CCDC144A: variants seen among roughly 807,000 people sequenced by gnomAD.
CCDC144A encodes coiled-coil domain-containing protein 144A.
CCDC144A carries 41 observed loss-of-function variants against 143.8 expected under a neutral mutation model. The observed-to-expected ratio is 0.29, with a 90% CI of 0.22 to 0.37. The LOEUF is 0.37. Ranked by LOEUF, CCDC144A falls within the 10% of genes least tolerant of loss-of-function variation. CCDC144A has a pLI of 1.00. For synonymous variants in CCDC144A, 242 were observed against 517.9 expected (o/e 0.47, Z 7.23); for missense variants, 637 against 1,488.8 (o/e 0.43, Z 9.41).
rs762166124 is a variant in CCDC144A, at chr17:16,762,476, A to G, written c.3830A>G (p.Lys1277Arg). Residue 1277 changes from lysine to arginine, a missense_variant, in exon 14 of 17, where the codon AAG becomes AGG. Physicochemically the swap from Lys to Arg is conservative, Grantham distance 26. Coordinates refer to ENST00000399273, the MANE Select transcript of CCDC144A (RefSeq NM_001382000.1). ...AATAAAACCGAATTGGAAAGATATAAGGAACTCTACCTAGAAGAAGTGAAA... is the reference window on the plus strand; with the variant it reads ...AATAAAACCGAATTGGAAAGATATAGGGAACTCTACCTAGAAGAAGTGAAA... ...DFNKTELERY[K>R]ELYLEEVKVR... 3 of 1,594,152 alleles carry G rather than the reference A, an allele frequency of 1.9e-6. No homozygotes were observed. In the African/African-American group the frequency reaches 4.0e-5, roughly 21 times the overall value.
At chr17:16,715,310 TAAA>T (rs368911895) in intron 6 of CCDC144A, among the ~76,000 whole-genome samples, 10 of 129,042 alleles carry the variant, frequency 7.7e-5, no homozygotes, top group Admixed American at 1.6e-4. Flanking sequence ...GATTCTCAGG[TAAA>T]AAAAAAAAAA....
At chr17:16,667,269 CGGCTGAGG>C in the CCDC144A span, among the ~76,000 whole-genome samples, 2 of 130,438 alleles carry the variant, frequency 1.5e-5, no homozygotes, top group East Asian at 5.1e-4. Flanking sequence ...GCGGCTGAGG[CGGCTGAGG>C]GGCTGAGGGG....
At chr17:16,717,033 C>G (rs2143162038) in intron 6 of CCDC144A, among the ~76,000 whole-genome samples, 1 of 151,716 alleles carries the variant, frequency 6.6e-6, no homozygotes, top group Admixed American at 6.6e-5. Context: ...GATCTCCTGA[C>G]CTCATGATCC....
chr17:16,672,344 C>CTGAG, the CCDC144A span, among the ~76,000 whole-genome samples: 1 of 151,960 alleles, frequency 6.6e-6, no homozygotes, highest in East Asian at 1.9e-4. Context: ...ATTCAGGAGG[C>CTGAG]TGAGGCAGGA....
chr17:16,707,696 A>G (rs1912139854), intron 4 of CCDC144A, among the ~76,000 whole-genome samples, 154 bp downstream of exon 4: 1 of 152,200 alleles, frequency 6.6e-6, no homozygotes, highest in South Asian at 2.1e-4. Context: ...ATACATTTAA[A>G]CTAGTTATAA....
At chr17:16,723,259 A>G (rs1480095565) in intron 8 of CCDC144A, among the ~76,000 whole-genome samples, 10 of 152,132 alleles carry the variant, frequency 6.6e-5, no homozygotes, top group Non-Finnish European at 1.2e-4. Context: ...CATTTTATCA[A>G]AGTTGTCATG....
chr17:16,761,629 G>T lies in CCDC144A; in HGVS notation c.3577G>T (p.Gly1193Cys), dbSNP rs754222158. 3.7e-6 allele frequency: 6 copies of T among 1,613,608 alleles called. 1 individual carries two copies. The Admixed American group carries it at 5.0e-5, about 13-fold the overall frequency. The change falls in exon 13 of 17, where the codon GGT (glycine) becomes TGT (cysteine). Residue 1193 changes from glycine to cysteine, a missense_variant. Transcript: ENST00000399273. ...TATGGAAAGAAATATGTTAGAACGT[G>T]GTAAAGCTGAATGGCATAAACTGTT... is the stretch of plus-strand genomic sequence containing the variant. ...SYMERNMLERGKAEWHKLLIE... is the reference protein window; with the variant it reads ...SYMERNMLERCKAEWHKLLIE...
chr17:16,753,630 G>A (rs1366723261), intron 12 of CCDC144A, among the ~76,000 whole-genome samples: 2 of 151,992 alleles, frequency 1.3e-5, no homozygotes, highest in Non-Finnish European at 2.9e-5. Context: ...TTTGTGGCCT[G>A]CACCTTTGCT....
chr17:16,746,998 A>T (rs1914566143), intron 12 of CCDC144A, among the ~76,000 whole-genome samples: 1 of 149,938 alleles, frequency 6.7e-6, no homozygotes, highest in Non-Finnish European at 1.5e-5. Context: ...GATTTCTAAT[A>T]GTGTATTTCT....
At chr17:16,687,618 C>G (rs147951823), upstream of CCDC144A, among the ~76,000 whole-genome samples, 1 of 152,092 alleles carries the variant, frequency 6.6e-6, no homozygotes, top group Admixed American at 6.6e-5. Context: ...TTAGTCTCCC[C>G]CTCCTCTTCC....
the CCDC144A span, among the ~76,000 whole-genome samples, chr17:16,670,500 C>T: frequency 1.3e-5 from 2 of 150,072 alleles, no homozygotes; most frequent in African/African-American, 4.9e-5. Context: ...ACTAGGAAGA[C>T]CTACTTCATA....
chr17:16,672,645 C>G, the CCDC144A span, among the ~76,000 whole-genome samples: 3 of 152,048 alleles, frequency 2.0e-5, no homozygotes, highest in Admixed American at 6.6e-5. Flanking sequence ...AAACTCAAAA[C>G]CAATAATTTA....
intron 4 of CCDC144A, 31 bp downstream of exon 4, chr17:16,707,573 T>G (rs2543881): frequency 4.1e-6 from 6 of 1,450,092 alleles, no homozygotes; most frequent in East Asian, 4.6e-5. Flanking sequence ...AAATCTAAAT[T>G]TCTGGTTTAA....
chr17:16,673,409 G>A, the CCDC144A span, among the ~76,000 whole-genome samples: 23 of 145,796 alleles, frequency 1.6e-4, no homozygotes, highest in Non-Finnish European at 2.2e-4. Flanking sequence ...TTTTTGAGAC[G>A]GAGTTTCACT....
At chr17:16,698,194 A>G (rs1263235707) in intron 2 of CCDC144A, among the ~76,000 whole-genome samples, 1 of 152,228 alleles carries the variant, frequency 6.6e-6, no homozygotes, top group African/African-American at 2.4e-5. Context: ...CCCTGGGCAT[A>G]TCAGCATTTC....
At chr17:16,736,900 T>A (rs920089155) in intron 12 of CCDC144A, among the ~76,000 whole-genome samples, 5 of 152,148 alleles carry the variant, frequency 3.3e-5, no homozygotes, top group African/African-American at 1.2e-4. Flanking sequence ...CAGTGTGGGA[T>A]GTACCACCAG....
intron 12 of CCDC144A, among the ~76,000 whole-genome samples, chr17:16,760,011 G>A (rs1245211755): frequency 6.6e-6 from 1 of 152,198 alleles, no homozygotes; most frequent in African/African-American, 2.4e-5. Context: ...CTGGCTTTTG[G>A]CTGGGACGTT....
At chr17:16,746,907 C>T in intron 12 of CCDC144A, 1 of 605,234 alleles carries the variant, frequency 1.7e-6, no homozygotes. Context: ...TCCCCTCCCT[C>T]CCCTCTAGGT....
chr17:16,728,589 T>C (rs1913548937), intron 9 of CCDC144A, among the ~76,000 whole-genome samples: 1 of 152,244 alleles, frequency 6.6e-6, no homozygotes, highest in African/African-American at 2.4e-5. Context: ...TGAAAAATTT[T>C]TTTTAAATTT....
Sources: allele counts gnomAD v4.1 joint callset (sites outside exome capture counted in the v4.1 genomes callset), GRCh38; gene constraint gnomAD v4.1.1; transcripts MANE v1.5; gene names NCBI Gene and HGNC (gene_info 2026-07-23, HGNC 2026-07-21).